Variants in LRFN2 observed in about 807,000 individuals in gnomAD.
LRFN2 encodes leucine rich repeat and fibronectin type III domain containing 2.
LRFN2 carries 18 observed loss-of-function variants against 37.3 expected under a neutral mutation model. That is an observed-to-expected ratio of 0.48 (90% CI 0.33 to 0.72). The LOEUF is 0.72. LRFN2 is among the 30% of genes least tolerant of loss of function. LRFN2 has a pLI of 0.02. For missense variants in LRFN2, 1,006 were observed against 1,060.7 expected (o/e 0.95, Z 0.72); for synonymous variants, 556 against 466.6 (o/e 1.19, Z -2.47).
Position 40,431,815 on chromosome 6 carries a change from G to C in LRFN2, c.1299C>G (p.Thr433=), listed in dbSNP as rs757172495. 3 of 1,552,560 alleles carry C rather than the reference G, an allele frequency of 1.9e-6. No individual in the cohort carries two copies. Among genetic ancestry groups the C allele is most frequent in the South Asian group, 1.2e-5 (1 of 80,164 alleles). Reference sequence around the variant, plus strand: ...CAGACCACTTGACCAGGGCCGAGGTGGTGGTCACTTCAGACACAAGCACAG... The same window carrying C: ...CAGACCACTTGACCAGGGCCGAGGTCGTGGTCACTTCAGACACAAGCACAG... The part of the protein sequence containing the change: ...ERAVLVSEVT[T]TSALVKWSVS... Residue 433 remains threonine (T), a synonymous_variant, in exon 2 of 3, where the codon ACC becomes ACG. Coordinates refer to ENST00000338305, the MANE Select transcript of LRFN2 (RefSeq NM_020737.3).
intron 1 of LRFN2, among the ~76,000 whole-genome samples, chr6:40,516,869 A>G (rs1765893334): frequency 6.6e-6 from 1 of 152,184 alleles, no homozygotes; most frequent in Non-Finnish European, 1.5e-5. Flanking sequence ...AGGGGCAGAA[A>G]AAGACCCCAA....
intron 1 of LRFN2, among the ~76,000 whole-genome samples, chr6:40,496,405 C>G (rs1044666598): frequency 1.1e-4 from 16 of 152,216 alleles, no homozygotes; most frequent in African/African-American, 2.4e-5. Flanking sequence ...GTAAAAGACA[C>G]AGCCCCCACT....
At chr6:40,580,620 T>C (rs1472762966) in intron 1 of LRFN2, among the ~76,000 whole-genome samples, 1 of 152,170 alleles carries the variant, frequency 6.6e-6, no homozygotes, top group East Asian at 1.9e-4. Flanking sequence ...GGTTTTGTCC[T>C]CCTGAATGAG....
chr6:40,416,950 A>C (rs1018585208), intron 2 of LRFN2, among the ~76,000 whole-genome samples: 2 of 152,208 alleles, frequency 1.3e-5, no homozygotes, highest in Admixed American at 1.3e-4. Context: ...AGGGTGGGGA[A>C]GAATAGGGCT....
rs1763503999 is a variant in LRFN2, at chr6:40,432,011, G to A, written c.1103C>T (p.Ala368Val). ...GATGGAGACCTCCACCATGGCCGTG[G>A]CCTCTCCGGCAGCATTGGCAGCAAT... The part of the protein sequence containing the change: ...TCIAANAAGE[A>V]TAMVEVSIVQ... Residue 368 changes from alanine (A) to valine (V), a missense_variant, in exon 2 of 3, where the codon GCC becomes GTC. By Grantham distance (64) the Ala-to-Val change is moderately conservative (BLOSUM62 0). Transcript: ENST00000338305. The A allele has an allele frequency of 6.2e-7, 1 of 1,613,678 alleles. No individual in the cohort carries two copies.
chr6:40,461,618 C>A (rs570187519), intron 1 of LRFN2, among the ~76,000 whole-genome samples: 4 of 149,270 alleles, frequency 2.7e-5, no homozygotes, highest in South Asian at 2.2e-4. Context: ...TTCAACAGAG[C>A]CTATATTATA....
intron 2 of LRFN2, among the ~76,000 whole-genome samples, chr6:40,424,337 T>C (rs1763297296): frequency 6.6e-6 from 1 of 152,318 alleles, no homozygotes; most frequent in Non-Finnish European, 1.5e-5. Context: ...TTACAGCTGG[T>C]GTCCCCACCC....
intron 1 of LRFN2, among the ~76,000 whole-genome samples, chr6:40,455,521 T>C (rs1424017047): frequency 6.6e-6 from 1 of 152,190 alleles, no homozygotes; most frequent in Non-Finnish European, 1.5e-5. Flanking sequence ...TACTAGCCAA[T>C]GGAAATATCC....
intron 1 of LRFN2, among the ~76,000 whole-genome samples, chr6:40,582,473 G>A (rs1404153163): frequency 6.6e-6 from 1 of 151,992 alleles, no homozygotes; most frequent in Non-Finnish European, 1.5e-5. Flanking sequence ...ACACAGTTTT[G>A]TTCTTTAATC....
At chr6:40,489,905 C>T (rs1420474370) in intron 1 of LRFN2, among the ~76,000 whole-genome samples, 1 of 152,194 alleles carries the variant, frequency 6.6e-6, no homozygotes, top group Non-Finnish European at 1.5e-5. Flanking sequence ...CAGCTCATCT[C>T]CCCACTTGCA....
At chr6:40,425,879 A>T (rs1361918429) in intron 2 of LRFN2, among the ~76,000 whole-genome samples, 4 of 152,214 alleles carry the variant, frequency 2.6e-5, no homozygotes, top group Non-Finnish European at 5.9e-5. Context: ...ATCTGGTCTG[A>T]GTTATCCATG....
chr6:40,555,399 G>A (rs1766853195), intron 1 of LRFN2, among the ~76,000 whole-genome samples: 1 of 152,178 alleles, frequency 6.6e-6, no homozygotes, highest in African/African-American at 2.4e-5. Flanking sequence ...CTCCACAAGT[G>A]AGACTACGCC....
intron 1 of LRFN2, among the ~76,000 whole-genome samples, chr6:40,526,000 G>A (rs1766245361): frequency 6.6e-6 from 1 of 152,210 alleles, no homozygotes; most frequent in Admixed American, 6.5e-5. Context: ...TGGGAAGAGG[G>A]AGAGAGAAAA....
chr6:40,419,527 C>T (rs1051308941), intron 2 of LRFN2, among the ~76,000 whole-genome samples: 1 of 152,212 alleles, frequency 6.6e-6, no homozygotes, highest in Middle Eastern at 3.2e-3. Flanking sequence ...TCCAGCCAAC[C>T]TGCAGAGCTA....
intron 2 of LRFN2, among the ~76,000 whole-genome samples, chr6:40,402,216 G>A (rs924757529): frequency 5.9e-5 from 9 of 152,066 alleles, no homozygotes; most frequent in Non-Finnish European, 1.2e-4. Context: ...CTTTGATTCT[G>A]CATGCTGACT....
chr6:40,510,560 G>A (rs971166398), intron 1 of LRFN2, among the ~76,000 whole-genome samples: 20 of 152,354 alleles, frequency 1.3e-4, no homozygotes, highest in Admixed American at 1.3e-3. Context: ...CCTACATGAT[G>A]CCAGACCTTG....
intron 2 of LRFN2, among the ~76,000 whole-genome samples, chr6:40,406,625 G>A (rs965802909): frequency 1.3e-5 from 2 of 152,218 alleles, no homozygotes; most frequent in Non-Finnish European, 2.9e-5. Flanking sequence ...GACATGCCAG[G>A]CAGTCATCCT....
At chr6:40,555,393 A>G (rs1766853020) in intron 1 of LRFN2, among the ~76,000 whole-genome samples, 1 of 152,178 alleles carries the variant, frequency 6.6e-6, no homozygotes, top group South Asian at 2.1e-4. Flanking sequence ...TCTCCCCTCC[A>G]CAAGTGAGAC....
At chr6:40,542,248 C>A (rs1026469035) in intron 1 of LRFN2, among the ~76,000 whole-genome samples, 1 of 152,132 alleles carries the variant, frequency 6.6e-6, no homozygotes, top group African/African-American at 2.4e-5. Context: ...GCTTTCTGGG[C>A]CCCTGGGTGA....
Sources: allele counts gnomAD v4.1 joint callset (sites outside exome capture counted in the v4.1 genomes callset), GRCh38; gene constraint gnomAD v4.1.1; transcripts MANE v1.5; gene names NCBI Gene and HGNC (gene_info 2026-07-23, HGNC 2026-07-21).